Variants in LUZP2 observed in about 807,000 individuals in gnomAD.
The protein encoded by LUZP2 is leucine zipper protein 2.
Under a neutral mutation model 51.6 loss-of-function variants are expected in LUZP2, and 52 were observed. The ratio of observed to expected loss-of-function variants is 1.01; its 90% CI spans 0.81 to 1.27. The LOEUF (loss-of-function observed/expected upper bound fraction) is 1.27, where lower values mean the gene tolerates loss of function less well. Among genes scored for constraint, LUZP2 ranks in the 50% most tolerant of loss-of-function variants. The probability of loss-of-function intolerance (pLI) is 0.00; values close to 1 mark genes in which losing one functional copy is unlikely to be tolerated. For missense variants in LUZP2, 436 were observed against 395.4 expected (o/e 1.10, Z -0.87); for synonymous variants, 154 against 137.3 (o/e 1.12, Z -0.85).
chr11:24,754,865 G>C lies in LUZP2; in HGVS notation c.334-8381G>C, dbSNP rs75551581. 1.9e-4 allele frequency among the ~76,000 whole-genome samples: 29 copies of C among 152,264 alleles called. No homozygotes were observed. In the East Asian group the frequency reaches 5.2e-3, roughly 27 times the overall value. On this transcript the variant is annotated intron_variant, in intron 4 of 11. Coordinates refer to ENST00000336930, the MANE Select transcript of LUZP2 (RefSeq NM_001009909.4). ...GCATCATTTAAAACCAAAGACACTG[G>C]CTGGGCTTGGTGGCTCACATCTGTA...
intron 1 of LUZP2, among the ~76,000 whole-genome samples, chr11:24,727,537 A>G (rs1189911129): frequency 6.6e-6 from 1 of 152,082 alleles, no homozygotes; most frequent in Non-Finnish European, 1.5e-5. Flanking sequence ...ATAATCTACT[A>G]TTATGAATTA....
At chr11:24,772,132 T>C (rs1860444068) in intron 5 of LUZP2, among the ~76,000 whole-genome samples, 1 of 152,192 alleles carries the variant, frequency 6.6e-6, no homozygotes, top group Non-Finnish European at 1.5e-5. Context: ...GTATATGTGT[T>C]GTGTTTTTCA....
intron 1 of LUZP2, among the ~76,000 whole-genome samples, chr11:24,637,709 T>C (rs747295826): frequency 2.0e-5 from 3 of 151,804 alleles, no homozygotes; most frequent in Admixed American, 6.6e-5. Context: ...CTTACTAGGA[T>C]TGGGAAATTC....
At chr11:24,587,421 G>A (rs1289102968) in intron 1 of LUZP2, among the ~76,000 whole-genome samples, 6 of 151,978 alleles carry the variant, frequency 3.9e-5, no homozygotes, top group Admixed American at 1.3e-4. Flanking sequence ...ATGGGGGAGG[G>A]GTCAAGAAGC....
At chr11:24,967,088 G>T (rs1179361267) in intron 7 of LUZP2, among the ~76,000 whole-genome samples, 1 of 151,602 alleles carries the variant, frequency 6.6e-6, no homozygotes, top group Non-Finnish European at 1.5e-5. Flanking sequence ...ATATGTCTAT[G>T]CTTATGCCAA....
At chr11:24,841,978 CAAT>C (rs563786871) in intron 5 of LUZP2, among the ~76,000 whole-genome samples, 1 of 152,034 alleles carries the variant, frequency 6.6e-6, no homozygotes, top group African/African-American at 2.4e-5. Context: ...ACATACCTCA[CAAT>C]GAGTGTAAAT....
intron 5 of LUZP2, among the ~76,000 whole-genome samples, chr11:24,827,295 T>G (rs1164493670): frequency 3.3e-5 from 5 of 152,212 alleles, no homozygotes; most frequent in Admixed American, 6.5e-5. Flanking sequence ...ACAAGGCATA[T>G]TTCTGCTTTC....
chr11:24,810,546 T>TATC (rs10631751), intron 5 of LUZP2, among the ~76,000 whole-genome samples: 2,272 of 152,304 alleles, frequency 0.015, 55 homozygotes, highest in African/African-American at 0.05. Context: ...TGTTATTGTC[T>TATC]ATCATGTGAA....
Position 24,715,261 on chromosome 11 carries a change from CTATGTGTG to C in LUZP2, c.63-13906_63-13899del, listed in dbSNP as rs1470612625. The stretch of plus-strand genomic sequence containing the variant: ...TTATGGTATCCAATTCAAGGAGCAA[CTATGTGTG>C]TGTGTGTGTGTGTGTGTGTGTGTGT... On this transcript the variant is annotated intron_variant, in intron 1 of 11. Transcript: ENST00000336930. Among the ~76,000 whole-genome samples, 104 of 73,594 alleles carry C rather than the reference CTATGTGTG, an allele frequency of 1.4e-3. 2 individuals are homozygous for C. In the South Asian group the frequency reaches 0.036, roughly 26 times the overall value. 48.3% of individuals were successfully genotyped at this position (73,594 alleles called of 152,430 possible). A position where few individuals can be genotyped will look rare whatever the true frequency, so the allele number is the denominator to read the frequency against.
chr11:24,820,316 C>A (rs1368873115), intron 5 of LUZP2, among the ~76,000 whole-genome samples: 2 of 152,050 alleles, frequency 1.3e-5, no homozygotes, highest in Admixed American at 6.5e-5. Context: ...ACACTATGGG[C>A]AAGTGAAAAT....
intron 5 of LUZP2, among the ~76,000 whole-genome samples, chr11:24,784,664 G>C (rs572556619): frequency 6.6e-6 from 1 of 152,094 alleles, no homozygotes; most frequent in South Asian, 2.1e-4. Flanking sequence ...TTCACTCAAA[G>C]AGTGAGTCCT....
Position 24,791,968 on chromosome 11 carries a change from T to C in LUZP2, c.396+28660T>C, listed in dbSNP as rs142251857. ...TTCTTAGTGAGAGTCTTTTTTTTTTTTTCCATTCAATCCAAATAGCAGCTT... is the reference window on the plus strand; with the variant it reads ...TTCTTAGTGAGAGTCTTTTTTTTTTCTTCCATTCAATCCAAATAGCAGCTT... On this transcript the variant is annotated intron_variant, in intron 5 of 11. Coordinates refer to ENST00000336930, the MANE Select transcript of LUZP2 (RefSeq NM_001009909.4). 3.5e-3 allele frequency among the ~76,000 whole-genome samples: 535 copies of C among 151,716 alleles called. 5 individuals carry two copies. The highest frequency in any genetic ancestry group is 0.012 in the African/African-American group (508 of 41,448).
intron 9 of LUZP2, among the ~76,000 whole-genome samples, chr11:24,999,765 TA>T (rs2133940523): frequency 6.6e-6 from 1 of 152,178 alleles, no homozygotes; most frequent in East Asian, 1.9e-4. Context: ...AATTAAGTCT[TA>T]TTGTGTCCGG....
At chr11:24,671,098 TG>T (rs1389349077) in intron 1 of LUZP2, among the ~76,000 whole-genome samples, 3 of 151,952 alleles carry the variant, frequency 2.0e-5, no homozygotes, top group Non-Finnish European at 2.9e-5. Flanking sequence ...AATTATCAAA[TG>T]GTAATTAATG....
chr11:24,848,145 A>G (rs1851262196), intron 5 of LUZP2, among the ~76,000 whole-genome samples: 2 of 151,910 alleles, frequency 1.3e-5, no homozygotes, highest in Non-Finnish European at 2.9e-5. Context: ...TATGATTGAT[A>G]TGATATGATA....
intron 9 of LUZP2, among the ~76,000 whole-genome samples, chr11:25,032,860 AT>A (rs1435263622): frequency 1.3e-5 from 2 of 152,184 alleles, no homozygotes; most frequent in Non-Finnish European, 2.9e-5. Context: ...ATATACCACT[AT>A]TTATTCTGAA....
Position 24,637,185 on chromosome 11 carries a change from G to A in LUZP2, c.63-91984G>A, listed in dbSNP as rs184934608. ...ATTGTTGTGGGAAGTCAGGGACCCC[G>A]AACAGAGAGATCGGCTGGAGCCTAG... On this transcript the variant is annotated intron_variant, in intron 1 of 11. Coordinates refer to ENST00000336930, the MANE Select transcript of LUZP2 (RefSeq NM_001009909.4). Among the ~76,000 whole-genome samples, 911 of 151,854 alleles carry A rather than the reference G, an allele frequency of 6.0e-3. 4 individuals carry two copies. Among genetic ancestry groups the A allele is most frequent in the Non-Finnish European group, 9.5e-3 (645 of 67,990 alleles).
intron 1 of LUZP2, among the ~76,000 whole-genome samples, chr11:24,544,298 T>G (rs749218217): frequency 6.6e-6 from 1 of 152,082 alleles, no homozygotes; most frequent in Non-Finnish European, 1.5e-5. Context: ...AAACCTTTTA[T>G]GCTAAGTTCA....
At chr11:24,794,214 G>C (rs1332236946) in intron 5 of LUZP2, among the ~76,000 whole-genome samples, 1 of 152,056 alleles carries the variant, frequency 6.6e-6, no homozygotes, top group East Asian at 1.9e-4. Context: ...TGACCAAGCA[G>C]AAAACAAAAA....
Sources: allele counts gnomAD v4.1 joint callset (sites outside exome capture counted in the v4.1 genomes callset), GRCh38; gene constraint gnomAD v4.1.1; transcripts MANE v1.5; gene names NCBI Gene and HGNC (gene_info 2026-07-23, HGNC 2026-07-21).